FADS2: variants seen among roughly 807,000 people sequenced by gnomAD.
FADS2 encodes fatty acid desaturase 2, also known as acyl-CoA 6-desaturase.
Under a neutral mutation model 61.2 loss-of-function variants are expected in FADS2, and 18 were observed. The ratio of observed to expected loss-of-function variants is 0.29; its 90% CI spans 0.20 to 0.44. The LOEUF (loss-of-function observed/expected upper bound fraction) is 0.44, where lower values mean the gene tolerates loss of function less well. Among genes scored for constraint, FADS2 ranks in the 20% least tolerant of loss-of-function variants. The pLI is 1.00. For missense variants in FADS2, 322 were observed against 572.7 expected, an observed-to-expected ratio of 0.56 and a Z score of 4.47; for synonymous variants, 203 against 223.9, an observed-to-expected ratio of 0.91 and a Z score of 0.83.
Position 61,851,450 on chromosome 11 carries a change from G to C in FADS2, c.744+3166G>C, listed in dbSNP as rs891288773. Among the ~76,000 whole-genome samples the C allele has an allele frequency of 3.9e-5, 6 of 152,232 alleles. No homozygotes were observed. The East Asian group carries it at 9.6e-4, about 24-fold the overall frequency. On this transcript the variant is annotated intron_variant, in intron 5 of 11. Transcript: ENST00000278840. ...AGCGGCGTTTGGAAGTCCCCAGCCA[G>C]TGCCGCGGTGTTCTGTGGAAATCCC...
At position 61,866,271 on chromosome 11, in the gene FADS2, C is replaced by G. The variant is rs1198061958; in HGVS notation, c.*582C>G. 26 of 338,578 alleles carry G rather than the reference C, an allele frequency of 7.7e-5. No individual in the cohort carries two copies. In the East Asian group the frequency reaches 1.1e-3, roughly 15 times the overall value. The allele number at this position is 338,578 out of a possible 1,614,324, so 21.0% of individuals were successfully genotyped here. A position where few individuals can be genotyped will look rare whatever the true frequency, so the allele number is the denominator to read the frequency against. ...CAGCTCGGTTAAGTACCCGAGGCCTCTCTTAAGATGTCCAGGGCCCCAGGC... is the reference window on the plus strand; with the variant it reads ...CAGCTCGGTTAAGTACCCGAGGCCTGTCTTAAGATGTCCAGGGCCCCAGGC... On this transcript the variant is annotated 3_prime_UTR_variant, in exon 12 of 12. Transcript: ENST00000278840.
chr11:61,844,931 A>G (rs1050913017), intron 4 of FADS2, among the ~76,000 whole-genome samples: 1 of 150,654 alleles, frequency 6.6e-6, no homozygotes, highest in Non-Finnish European at 1.5e-5. Context: ...TCTCAAAAAA[A>G]AAAAAGAAAA....
At chr11:61,846,625 T>C (rs994855028) in intron 4 of FADS2, 1 of 152,138 alleles carries the variant, frequency 6.6e-6, no homozygotes, top group Non-Finnish European at 1.5e-5. Flanking sequence ...AAAGCATTGA[T>C]CCGGCAACAG....
chr11:61,851,000 G>A (rs73487488), intron 5 of FADS2, among the ~76,000 whole-genome samples: 5 of 152,240 alleles, frequency 3.3e-5, no homozygotes, highest in African/African-American at 1.2e-4. Context: ...TGGCCAATTC[G>A]CAGGAAATCA....
rs755940953 is a variant in FADS2 at position 61,840,604 on chromosome 11, G to A, written c.517-20G>A. The A allele has an allele frequency of 3.3e-5, 54 of 1,613,094 alleles. No homozygotes were observed. The highest frequency in any genetic ancestry group is 8.9e-5 in the East Asian group (4 of 44,880). On this transcript the variant is annotated intron_variant, in intron 3 of 11. Transcript: ENST00000278840. ...CTGTTTGCTGAGGCTGTGACAGCAC[G>A]TGTGACCCTCTCTCCCCAGGCCCAA...
At chr11:61,834,060 G>C (rs568680205) in intron 1 of FADS2, among the ~76,000 whole-genome samples, 1 of 152,242 alleles carries the variant, frequency 6.6e-6, no homozygotes, top group African/African-American at 2.4e-5. Context: ...ATCTAACAGG[G>C]CAATGACCCA....
chr11:61,841,289 A>G (rs1040973954), intron 4 of FADS2, among the ~76,000 whole-genome samples: 1 of 151,988 alleles, frequency 6.6e-6, no homozygotes. Context: ...TGACCTTGTG[A>G]TCTACCTGCC....
chr11:61,838,226 G>A (rs2067190777), intron 2 of FADS2, among the ~76,000 whole-genome samples: 1 of 152,190 alleles, frequency 6.6e-6, no homozygotes, highest in Non-Finnish European at 1.5e-5. Context: ...TGGCTTTGGG[G>A]TGTGTGGTCC....
chr11:61,858,127 C>T (rs1044721439), intron 7 of FADS2, among the ~76,000 whole-genome samples: 4 of 152,176 alleles, frequency 2.6e-5, no homozygotes, highest in African/African-American at 9.7e-5. Context: ...GGTACATCAT[C>T]TCTCTGCATA....
upstream of FADS2, chr11:61,827,918 T>G: frequency 5.7e-6 from 3 of 530,862 alleles, no homozygotes; most frequent in Non-Finnish European, 7.3e-6. The surrounding 1 kb of genome is among the most constrained non-coding windows in gnomAD (Gnocchi z 4.5). Flanking sequence ...TCCAGCCCGC[T>G]GGCCTTCGAA....
chr11:61,858,362 A>G (rs545806151), intron 7 of FADS2, among the ~76,000 whole-genome samples: 1 of 151,864 alleles, frequency 6.6e-6, no homozygotes, highest in Non-Finnish European at 1.5e-5. Context: ...TATTTTTAGT[A>G]GAGATGGGGT....
At chr11:61,821,311 G>C in intron 1 of FADS2, 1 of 666,744 alleles carries the variant, frequency 1.5e-6, no homozygotes, top group Non-Finnish European at 2.7e-6. Context: ...CTTGAGCTCA[G>C]GAGTTGGAGA....
chr11:61,840,807 T>A, intron 4 of FADS2, 82 bp downstream of exon 4: 2 of 1,069,796 alleles, frequency 1.9e-6, no homozygotes, highest in Non-Finnish European at 2.9e-6. Context: ...TGCTCAGTGC[T>A]CTGAGGCTAC....
chr11:61,821,597 C>T lies in FADS2; in HGVS notation c.141+5171C>T, dbSNP rs1164971224. ...CGGTTGTGCTCAGCCTCTGCTGCAG[C>T]CTCCCCTCAGTAGCAGCCCTTCAGG... On this transcript the variant is annotated intron_variant, in intron 1 of 11. Transcript: ENST00000257261. 1.0e-5 allele frequency: 6 copies of T among 574,924 alleles called. No homozygotes were observed. The Admixed American group carries it at 1.8e-4, about 17-fold the overall frequency. 35.6% of individuals were successfully genotyped at this position (574,924 alleles called of 1,614,324 possible).
chr11:61,858,326 C>T (rs970681772), intron 7 of FADS2, among the ~76,000 whole-genome samples: 2 of 151,912 alleles, frequency 1.3e-5, no homozygotes, highest in Admixed American at 6.6e-5. Context: ...TTACAGGCAC[C>T]GGCCACCATG....
intron 1 of FADS2, among the ~76,000 whole-genome samples, chr11:61,830,701 T>C (rs2067121543): frequency 6.6e-6 from 1 of 152,228 alleles, no homozygotes; most frequent in Admixed American, 6.5e-5. Context: ...AAGAAAGATG[T>C]CATTACTGGG....
chr11:61,857,737 T>C (rs1276267685), intron 7 of FADS2, among the ~76,000 whole-genome samples: 2 of 152,088 alleles, frequency 1.3e-5, no homozygotes, highest in East Asian at 3.9e-4. Context: ...CCCTCAGACA[T>C]AGGGAGTCCA....
At position 61,853,173 on chromosome 11, in the gene FADS2, A is replaced by G. The variant is rs1467276698; in HGVS notation, c.745-3838A>G. 3.3e-5 allele frequency among the ~76,000 whole-genome samples: 5 copies of G among 151,062 alleles called. No homozygotes were observed. In the East Asian group the frequency reaches 9.7e-4, roughly 29 times the overall value. On this transcript the variant is annotated intron_variant, in intron 5 of 11. Coordinates refer to ENST00000278840, the MANE Select transcript of FADS2 (RefSeq NM_004265.4). ...CCGTCTCAAAACAACAACAACAACAACAACAACAAAACAAAACAAAACAAA... is the reference window on the plus strand; with the variant it reads ...CCGTCTCAAAACAACAACAACAACAGCAACAACAAAACAAAACAAAACAAA...
Position 61,834,210 on chromosome 11 carries a change from A to C in FADS2, c.208-3568A>C, listed in dbSNP as rs533937007. 2.1e-3 allele frequency among the ~76,000 whole-genome samples: 322 copies of C among 152,336 alleles called. 4 individuals are homozygous for C. The highest frequency in any genetic ancestry group is 2.4e-3 in the Admixed American group (36 of 15,298). On this transcript the variant is annotated intron_variant, in intron 1 of 11. Transcript: ENST00000278840. ...GGTATGTTCAAGGGCGGTCCGCACCAGGCCTGCTCGGAAAGCTGCCACACT... is the reference window on the plus strand; with the variant it reads ...GGTATGTTCAAGGGCGGTCCGCACCCGGCCTGCTCGGAAAGCTGCCACACT...
Sources: gnomAD v4.1 joint callset for allele counts (sites outside exome capture counted in the v4.1 genomes callset) on GRCh38, gnomAD v4.1.1 for gene constraint, Gnocchi (gnomAD v3.1) non-coding constraint, MANE v1.5 for transcripts, NCBI Gene and HGNC (gene_info 2026-07-23, HGNC 2026-07-21) for gene names.